CALD1: variants seen among roughly 807,000 people sequenced by gnomAD.
CALD1 encodes the protein caldesmon.
A neutral mutation model predicts 99.9 loss-of-function variants in CALD1; 33 were observed. The observed-to-expected ratio is 0.33, with a 90% CI of 0.25 to 0.44. The LOEUF (loss-of-function observed/expected upper bound fraction) is 0.44, where lower values mean the gene tolerates loss of function less well. Among genes scored for constraint, CALD1 ranks in the 20% least tolerant of loss-of-function variants. The probability of loss-of-function intolerance (pLI) is 1.00; values close to 1 mark genes in which losing one functional copy is unlikely to be tolerated. For synonymous variants in CALD1, 310 were observed against 325.0 expected (o/e 0.95, Z 0.50); for missense variants, 861 against 962.1 (o/e 0.89, Z 1.39).
At chr7:134,757,489 T>A (rs1016618076) in intron 1 of CALD1, among the ~76,000 whole-genome samples, 2 of 152,214 alleles carry the variant, frequency 1.3e-5, no homozygotes, top group African/African-American at 4.8e-5. Context: ...CAAACGTTAC[T>A]CATGTAATTA....
intron 3 of CALD1, among the ~76,000 whole-genome samples, chr7:134,925,822 C>T (rs1051710183): frequency 6.6e-6 from 1 of 152,166 alleles, no homozygotes; most frequent in Non-Finnish European, 1.5e-5. Context: ...TTTTATGCCT[C>T]TTGCTTGTCT....
chr7:134,900,816 C>T lies in CALD1; in HGVS notation c.72-27938C>T, dbSNP rs912345598. Among the ~76,000 whole-genome samples the T allele has an allele frequency of 2.6e-5, 4 of 152,002 alleles. No homozygotes were observed. In the East Asian group the frequency reaches 7.7e-4, roughly 29 times the overall value. ...GTGACATTTCCATCTTTTCCCTTTC[C>T]CTCTGAACATTCCCCTCCCCAAAGA... On this transcript the variant is annotated intron_variant, in intron 3 of 14. Coordinates refer to ENST00000361675, the MANE Select transcript of CALD1 (RefSeq NM_033138.4).
chr7:134,742,140 T>C (rs1338426979), upstream of CALD1, among the ~76,000 whole-genome samples: 3 of 152,126 alleles, frequency 2.0e-5, no homozygotes, highest in African/African-American at 7.2e-5. Context: ...TGCTGCTTCA[T>C]TGTTAAATTT....
chr7:134,947,414 C>A, intron 7 of CALD1, 94 bp from the exon 8 acceptor site: 2 of 1,288,332 alleles, frequency 1.6e-6, no homozygotes, highest in Admixed American at 2.4e-5. Flanking sequence ...GGTATTTAGT[C>A]GGGGATGCAG....
At chr7:134,957,508 C>T (rs1012257877) in intron 9 of CALD1, among the ~76,000 whole-genome samples, 1 of 152,172 alleles carries the variant, frequency 6.6e-6, no homozygotes, top group African/African-American at 2.4e-5. Flanking sequence ...CAATCTCTCC[C>T]TCCCAGGTTC....
chr7:134,950,572 C>T, intron 9 of CALD1, 58 bp downstream of exon 9: 2 of 1,411,272 alleles, frequency 1.4e-6, no homozygotes, highest in Non-Finnish European at 9.9e-7. Flanking sequence ...ATTTTAGCCC[C>T]TTGTTTAGTT....
chr7:134,860,722 GAAC>G (rs746067925), intron 2 of CALD1, among the ~76,000 whole-genome samples: 3 of 152,286 alleles, frequency 2.0e-5, no homozygotes, highest in East Asian at 3.9e-4. Flanking sequence ...TAGCTAAAGA[GAAC>G]AATTGATGAG....
At chr7:134,776,452 A>C (rs1796919530), upstream of CALD1, among the ~76,000 whole-genome samples, 2 of 151,962 alleles carry the variant, frequency 1.3e-5, no homozygotes, top group Admixed American at 1.3e-4. Context: ...ATATCAGTGG[A>C]TCTTCAGATC....
At chr7:134,941,435 A>G (rs1806431777) in intron 7 of CALD1, among the ~76,000 whole-genome samples, 198 bp downstream of exon 7, 2 of 152,234 alleles carry the variant, frequency 1.3e-5, no homozygotes, top group African/African-American at 4.8e-5. Flanking sequence ...GAAGACCAGC[A>G]GTCATCGCTC....
chr7:134,767,001 G>C (rs763404737), intron 1 of CALD1, among the ~76,000 whole-genome samples: 4 of 152,188 alleles, frequency 2.6e-5, no homozygotes, highest in Non-Finnish European at 5.9e-5. Context: ...TCAGTCAAAG[G>C]TATTTTCACC....
At chr7:134,911,779 A>G (rs1803831188) in intron 3 of CALD1, among the ~76,000 whole-genome samples, 1 of 152,214 alleles carries the variant, frequency 6.6e-6, no homozygotes, top group South Asian at 2.1e-4. Context: ...TACTTATTAA[A>G]TCCCTGCTTT....
chr7:134,814,711 CAGA>C (rs1330224113), intron 1 of CALD1, among the ~76,000 whole-genome samples: 3 of 152,072 alleles, frequency 2.0e-5, no homozygotes, highest in Non-Finnish European at 4.4e-5. Flanking sequence ...TTGCTGTATC[CAGA>C]AGAAGGTCAG....
At chr7:134,885,524 A>G (rs1801814528) in intron 3 of CALD1, among the ~76,000 whole-genome samples, 1 of 152,204 alleles carries the variant, frequency 6.6e-6, no homozygotes, top group African/African-American at 2.4e-5. Flanking sequence ...CCATGTGTAA[A>G]TTTAATATCC....
At chr7:134,926,739 T>C (rs1344053440) in intron 3 of CALD1, among the ~76,000 whole-genome samples, 1 of 152,198 alleles carries the variant, frequency 6.6e-6, no homozygotes, top group East Asian at 1.9e-4. Flanking sequence ...GTAGTATGGT[T>C]CTACTGTTTT....
At chr7:134,796,169 T>G (rs1414714237) in intron 1 of CALD1, among the ~76,000 whole-genome samples, 1 of 152,164 alleles carries the variant, frequency 6.6e-6, no homozygotes, top group African/African-American at 2.4e-5. Context: ...AGACTCCAGA[T>G]AGTGGTCTAA....
At chr7:134,927,452 T>C (rs1229328310) in intron 3 of CALD1, among the ~76,000 whole-genome samples, 2 of 141,816 alleles carry the variant, frequency 1.4e-5, no homozygotes, top group Non-Finnish European at 3.0e-5. Context: ...CTCAGGAGGC[T>C]GAGGTGGGAC....
At chr7:134,756,780 C>A (rs941608492) in intron 1 of CALD1, among the ~76,000 whole-genome samples, 7 of 152,100 alleles carry the variant, frequency 4.6e-5, no homozygotes, top group African/African-American at 1.7e-4. Flanking sequence ...ATTCATATAT[C>A]TTTTAAGTAA....
intron 3 of CALD1, among the ~76,000 whole-genome samples, chr7:134,921,368 T>A (rs577380475): frequency 6.6e-6 from 1 of 152,348 alleles, no homozygotes; most frequent in South Asian, 2.1e-4. Flanking sequence ...TTTAAAAGGA[T>A]CCTCATTCTT....
chr7:134,824,605 T>G (rs1426454357), intron 1 of CALD1, among the ~76,000 whole-genome samples: 1 of 152,180 alleles, frequency 6.6e-6, no homozygotes, highest in Admixed American at 6.6e-5. Flanking sequence ...TCTTAACCTT[T>G]CAAGCCTCAT....
Sources: gnomAD v4.1 joint callset for allele counts (sites outside exome capture counted in the v4.1 genomes callset) on GRCh38, gnomAD v4.1.1 for gene constraint, MANE v1.5 for transcripts, NCBI Gene and HGNC (gene_info 2026-07-23, HGNC 2026-07-21) for gene names.